LEMD3: variants seen among roughly 807,000 people sequenced by gnomAD.
LEMD3 encodes the protein inner nuclear membrane protein Man1.
A neutral mutation model predicts 95.2 loss-of-function variants in LEMD3; 33 were observed. The ratio of observed to expected loss-of-function variants is 0.35; its 90% CI spans 0.26 to 0.46. The LOEUF (loss-of-function observed/expected upper bound fraction) is 0.46, where lower values mean the gene tolerates loss of function less well. LEMD3 is among the 20% of genes least tolerant of loss of function. The pLI is 1.00. For missense variants in LEMD3, 1,210 were observed against 1,192.8 expected (o/e 1.01, Z -0.21); for synonymous variants, 525 against 474.6 (o/e 1.11, Z -1.38).
At chr12:65,231,517 T>C (rs973324288) in intron 4 of LEMD3, among the ~76,000 whole-genome samples, 2 of 151,858 alleles carry the variant, frequency 1.3e-5, no homozygotes, top group African/African-American at 4.8e-5. Context: ...AGATCTTGTC[T>C]CTACAAAAAA....
At chr12:65,174,515 T>C (rs1047629089) in intron 1 of LEMD3, among the ~76,000 whole-genome samples, 20 of 152,166 alleles carry the variant, frequency 1.3e-4, no homozygotes, top group African/African-American at 4.6e-4. Flanking sequence ...AAAGTTTGAA[T>C]AGAGATGAAG....
At chr12:65,201,676 T>A (rs1285096722) in intron 1 of LEMD3, among the ~76,000 whole-genome samples, 2 of 152,174 alleles carry the variant, frequency 1.3e-5, no homozygotes, top group Non-Finnish European at 1.5e-5. Flanking sequence ...TCCAGGAGTT[T>A]TTTTTGATCA....
intron 1 of LEMD3, among the ~76,000 whole-genome samples, chr12:65,199,448 G>A (rs988938750): frequency 1.3e-5 from 2 of 152,034 alleles, no homozygotes; most frequent in African/African-American, 2.4e-5. Flanking sequence ...AATATTTTCA[G>A]ACACATATTT....
At chr12:65,227,639 AT>A (rs1870491495) in intron 4 of LEMD3, among the ~76,000 whole-genome samples, 1 of 152,152 alleles carries the variant, frequency 6.6e-6, no homozygotes, top group Non-Finnish European at 1.5e-5. Flanking sequence ...ATACTGTATC[AT>A]TTAGTGCAAA....
chr12:65,241,478 T>G (rs773281509), intron 9 of LEMD3, among the ~76,000 whole-genome samples: 1 of 151,848 alleles, frequency 6.6e-6, no homozygotes, highest in African/African-American at 2.4e-5. Context: ...TTTTAACTGC[T>G]CTTTTTTTTC....
rs143688793 is a variant in LEMD3 at position 65,206,330 on chromosome 12, A to T, written c.1523-4596A>T. ...CTGTCCTTAAGGTCACACTAGCCTT[A>T]AGGTCATGGAGTTTTAGATACAAGA... is the stretch of plus-strand genomic sequence containing the variant. On this transcript the variant is annotated intron_variant, in intron 1 of 12. Transcript: ENST00000308330. Among the ~76,000 whole-genome samples, 215 of 152,248 alleles carry T rather than the reference A, an allele frequency of 1.4e-3. 1 individual carries two copies. The highest frequency in any genetic ancestry group is 4.8e-3 in the African/African-American group (198 of 41,562).
In LEMD3 at chr12:65,241,088, G is replaced by A; in HGVS notation, c.2305+1G>A. ...CCTTCTAAAGTATGGCAAGGTCAAGGTATGTATTTTTAAACATCAAAAAAG... is the reference window on the plus strand; with the variant it reads ...CCTTCTAAAGTATGGCAAGGTCAAGATATGTATTTTTAAACATCAAAAAAG... On this transcript the variant is annotated splice_donor_variant, in intron 9 of 12. Transcript: ENST00000308330. LOFTEE classifies it high-confidence loss of function. 1 of 1,612,768 alleles carries A rather than the reference G, an allele frequency of 6.2e-7. No homozygotes were observed. Among genetic ancestry groups the A allele is most frequent in the South Asian group, 1.1e-5 (1 of 91,034 alleles).
At chr12:65,196,917 A>C (rs1289945256) in intron 1 of LEMD3, among the ~76,000 whole-genome samples, 2 of 152,166 alleles carry the variant, frequency 1.3e-5, no homozygotes, top group Non-Finnish European at 2.9e-5. Flanking sequence ...AATTTAGCAG[A>C]GTTTATTTAA....
chr12:65,246,043 G>T, intron 12 of LEMD3, 104 bp downstream of exon 12: 1 of 1,268,202 alleles, frequency 7.9e-7, no homozygotes, highest in Non-Finnish European at 1.1e-6. Flanking sequence ...ATTTTTTTGA[G>T]TAATAATTTT....
In LEMD3 at chr12:65,240,949, C is replaced by T. The variant is rs866134404; in HGVS notation, c.2167C>T (p.Leu723Phe). ...AGTCTGGGATAGAGCTGTTGACTTC[C>T]TTGCTGCTAATGAGTCTAGAGTTCG... ...KKVWDRAVDF[L>F]AANESRVRTE... The change falls in exon 9 of 13, where the codon CTT becomes TTT. Residue 723 changes from leucine (L) to phenylalanine (F), a missense_variant. Physicochemically the swap from Leu to Phe is conservative, Grantham distance 22. This residue lies in a region of LEMD3 where 461 missense variants were observed against 569.8 expected (regional missense o/e 0.81). Coordinates refer to ENST00000308330, the MANE Select transcript of LEMD3 (RefSeq NM_014319.5). 1 of 1,614,016 alleles carries T rather than the reference C, an allele frequency of 6.2e-7. No individual in the cohort carries two copies. The highest frequency in any genetic ancestry group is 8.5e-7 in the Non-Finnish European group (1 of 1,179,944).
At chr12:65,188,157 GT>G (rs201042255) in intron 1 of LEMD3, among the ~76,000 whole-genome samples, 23 of 151,754 alleles carry the variant, frequency 1.5e-4, no homozygotes, top group Admixed American at 2.6e-4. Flanking sequence ...AAAAAGGCCA[GT>G]TTTTTTTCCC....
chr12:65,182,136 A>G (rs1868926763), intron 1 of LEMD3, among the ~76,000 whole-genome samples: 1 of 152,158 alleles, frequency 6.6e-6, no homozygotes, highest in South Asian at 2.1e-4. Flanking sequence ...ATTTGAACCC[A>G]AGATCTAACT....
chr12:65,241,038 A>C lies in LEMD3; in HGVS notation c.2256A>C (p.Ala752=). 6.2e-7 allele frequency: 1 copy of C among 1,614,114 alleles called. No homozygotes were observed. Among genetic ancestry groups the C allele is most frequent in the Middle Eastern group, 1.6e-4 (1 of 6,062 alleles). The change falls in exon 9 of 13, where the codon GCA becomes GCC. Residue 752 remains alanine (A), a synonymous_variant. Coordinates refer to ENST00000308330, the MANE Select transcript of LEMD3 (RefSeq NM_014319.5). ...FLVWRWIQPS[A]SCDKILVIPS... is the part of the protein sequence containing the mutation. ...TTTGGCGGTGGATCCAGCCTTCTGC[A>C]TCCTGTGACAAAATATTAGTTATAC...
chr12:65,189,197 T>G (rs768454434), intron 1 of LEMD3, among the ~76,000 whole-genome samples: 13 of 152,206 alleles, frequency 8.5e-5, no homozygotes, highest in Admixed American at 2.0e-4. Flanking sequence ...CATCTATTTT[T>G]GGTCCATGGT....
At chr12:65,200,449 A>T (rs528031660) in intron 1 of LEMD3, among the ~76,000 whole-genome samples, 2 of 152,292 alleles carry the variant, frequency 1.3e-5, no homozygotes, top group South Asian at 4.1e-4. Context: ...AAACACCAAG[A>T]ACCAGGATGA....
chr12:65,184,178 G>A (rs1309178423), intron 1 of LEMD3, among the ~76,000 whole-genome samples: 3 of 152,252 alleles, frequency 2.0e-5, no homozygotes, highest in Admixed American at 2.0e-4. Context: ...TTAGCAGCAT[G>A]TTCTATTTAA....
chr12:65,220,651 C>T (rs549316790), intron 4 of LEMD3, among the ~76,000 whole-genome samples: 4 of 152,214 alleles, frequency 2.6e-5, no homozygotes, highest in South Asian at 2.1e-4. Context: ...CCCATATCAA[C>T]GTCAAGAAGC....
chr12:65,191,784 A>C (rs1294886733), intron 1 of LEMD3, among the ~76,000 whole-genome samples: 1 of 151,892 alleles, frequency 6.6e-6, no homozygotes, highest in East Asian at 1.9e-4. Context: ...AATTAGCTGG[A>C]CGTGGTGGTG....
chr12:65,213,809 G>C lies in LEMD3; in HGVS notation c.1561-2168G>C, dbSNP rs569696005. 6.6e-5 allele frequency among the ~76,000 whole-genome samples: 10 copies of C among 152,196 alleles called. No homozygotes were observed. In the East Asian group the frequency reaches 1.9e-3, roughly 29 times the overall value. The stretch of plus-strand genomic sequence containing the variant: ...TGTTTTGTTTTTGAAAGGGGAGTGA[G>C]GAAGGGTATGATAGTACATATAAAA... On this transcript the variant is annotated intron_variant, in intron 2 of 12. Transcript: ENST00000308330.
Sources: allele counts gnomAD v4.1 joint callset (sites outside exome capture counted in the v4.1 genomes callset), GRCh38; gene constraint gnomAD v4.1.1; regional missense constraint gnomAD v4.1.1; transcripts MANE v1.5; gene names NCBI Gene and HGNC (gene_info 2026-07-23, HGNC 2026-07-21).